Variants in DPY19L2 observed in about 807,000 individuals in gnomAD.
The protein encoded by DPY19L2 is probable C-mannosyltransferase DPY19L2.
DPY19L2 carries 34 observed loss-of-function variants against 97.9 expected under a neutral mutation model. The ratio of observed to expected loss-of-function variants is 0.35; its 90% CI spans 0.26 to 0.46. DPY19L2 has a LOEUF of 0.46. Ranked by LOEUF, DPY19L2 falls within the 20% of genes least tolerant of loss-of-function variation. DPY19L2 has a pLI of 1.00. For synonymous variants in DPY19L2, 230 were observed against 307.9 expected, an observed-to-expected ratio of 0.75 and a Z score of 2.65; for missense variants, 623 against 911.4, an observed-to-expected ratio of 0.68 and a Z score of 4.07.
chr12:63,637,569 G>C (rs997554449), intron 6 of DPY19L2, among the ~76,000 whole-genome samples: 1 of 152,068 alleles, frequency 6.6e-6, no homozygotes, highest in African/African-American at 2.4e-5. Context: ...TACCATCAGA[G>C]AATTCTATAA....
chr12:63,565,102 C>T (rs1001658801), intron 21 of DPY19L2, among the ~76,000 whole-genome samples: 2 of 152,124 alleles, frequency 1.3e-5, no homozygotes, highest in African/African-American at 4.8e-5. Context: ...TTAACCTCTT[C>T]GTTTCTTTAT....
chr12:63,656,429 C>T (rs1894981768), intron 4 of DPY19L2, among the ~76,000 whole-genome samples: 1 of 152,114 alleles, frequency 6.6e-6, no homozygotes, highest in African/African-American at 2.4e-5. Flanking sequence ...GTATTTTAGG[C>T]TTTGTGAGAT....
At chr12:63,608,844 A>G (rs1886486738) in intron 11 of DPY19L2, among the ~76,000 whole-genome samples, 169 bp from the exon 12 acceptor site, 1 of 152,082 alleles carries the variant, frequency 6.6e-6, no homozygotes, top group Non-Finnish European at 1.5e-5. Flanking sequence ...ATTTTGGCAA[A>G]TTTCCTTGAG....
chr12:63,663,983 T>C, intron 2 of DPY19L2, 138 bp from the exon 3 acceptor site: 1 of 627,448 alleles, frequency 1.6e-6, no homozygotes, highest in South Asian at 2.2e-5. Context: ...ACTTGTATGT[T>C]TTTCAGCATT....
intron 2 of DPY19L2, among the ~76,000 whole-genome samples, 192 bp from the exon 3 acceptor site, chr12:63,664,037 G>GT (rs1896023960): frequency 6.6e-6 from 1 of 152,044 alleles, no homozygotes; most frequent in Non-Finnish European, 1.5e-5. Context: ...TAACTCAGTG[G>GT]TTTTTAAGCT....
At chr12:63,651,673 C>A (rs1465081309) in intron 4 of DPY19L2, 5 of 451,840 alleles carry the variant, frequency 1.1e-5, no homozygotes, top group Non-Finnish European at 2.3e-5. Context: ...TGCATTGAGT[C>A]CCTGATAGCT....
intron 6 of DPY19L2, among the ~76,000 whole-genome samples, chr12:63,630,361 G>A (rs527895454): frequency 3.3e-5 from 5 of 152,126 alleles, no homozygotes; most frequent in South Asian, 2.1e-4. Flanking sequence ...AAAATAAAGG[G>A]ACAGAGGAAG....
chr12:63,650,971 G>C (rs527253316), intron 4 of DPY19L2, among the ~76,000 whole-genome samples: 1 of 152,146 alleles, frequency 6.6e-6, no homozygotes, highest in Admixed American at 6.5e-5. Flanking sequence ...AAAGGACAAA[G>C]CCAGAGACAT....
intron 19 of DPY19L2, among the ~76,000 whole-genome samples, chr12:63,576,526 A>C (rs1879857302): frequency 1.3e-5 from 2 of 151,752 alleles, no homozygotes; most frequent in South Asian, 4.1e-4. Flanking sequence ...AGATGATATG[A>C]TCTTATATTT....
chr12:63,656,877 CT>C (rs1895041227), intron 4 of DPY19L2, among the ~76,000 whole-genome samples: 1 of 143,920 alleles, frequency 6.9e-6, no homozygotes, highest in Non-Finnish European at 1.5e-5. Flanking sequence ...CCCTTTGATT[CT>C]TATAGTGTCC....
At chr12:63,629,491 T>C (rs553516510) in intron 6 of DPY19L2, among the ~76,000 whole-genome samples, 2 of 151,988 alleles carry the variant, frequency 1.3e-5, no homozygotes, top group South Asian at 2.1e-4. Flanking sequence ...ATGAATGAAA[T>C]GAAGCGAGAG....
chr12:63,652,347 T>C (rs1263527369), intron 4 of DPY19L2, among the ~76,000 whole-genome samples: 1 of 152,154 alleles, frequency 6.6e-6, no homozygotes, highest in African/African-American at 2.4e-5. Flanking sequence ...GTTCAAACAC[T>C]GTGGAAAGCA....
intron 11 of DPY19L2, among the ~76,000 whole-genome samples, chr12:63,613,174 A>C (rs1438730709): frequency 6.6e-6 from 1 of 152,148 alleles, no homozygotes; most frequent in Non-Finnish European, 1.5e-5. Flanking sequence ...TTGCCATGAT[A>C]CCAAAAAAGA....
At chr12:63,657,132 AT>A (rs1248105668) in intron 4 of DPY19L2, among the ~76,000 whole-genome samples, 1 of 152,108 alleles carries the variant, frequency 6.6e-6, no homozygotes, top group Non-Finnish European at 1.5e-5. Flanking sequence ...AGAGGTCAGT[AT>A]TTTTATGCTT....
intron 4 of DPY19L2, among the ~76,000 whole-genome samples, chr12:63,657,559 G>GAT (rs779062572): frequency 6.7e-6 from 1 of 149,776 alleles, no homozygotes; most frequent in Non-Finnish European, 1.5e-5. Context: ...TAACATTTAG[G>GAT]TTTTTTTTTT....
At chr12:63,655,885 A>G (rs796138714) in intron 4 of DPY19L2, among the ~76,000 whole-genome samples, 1 of 152,120 alleles carries the variant, frequency 6.6e-6, no homozygotes, top group African/African-American at 2.4e-5. Context: ...GCAATTGCAA[A>G]TACCCTTGCT....
At chr12:63,625,882 A>T (rs550027460) in intron 7 of DPY19L2, among the ~76,000 whole-genome samples, 9 of 150,926 alleles carry the variant, frequency 6.0e-5, no homozygotes, top group Admixed American at 2.0e-4. Flanking sequence ...ATCTGTTAAG[A>T]GGGCAGATCA....
At chr12:63,633,766 T>A (rs1456355469) in intron 6 of DPY19L2, among the ~76,000 whole-genome samples, 1 of 152,118 alleles carries the variant, frequency 6.6e-6, no homozygotes, top group Non-Finnish European at 1.5e-5. Context: ...CATGCACACG[T>A]ATGTTTATTG....
intron 5 of DPY19L2, among the ~76,000 whole-genome samples, chr12:63,646,688 C>T (rs1055823606): frequency 6.6e-6 from 1 of 152,092 alleles, no homozygotes; most frequent in Non-Finnish European, 1.5e-5. Context: ...ATGGAAGTGA[C>T]CACTATGTAT....
Sources: gnomAD v4.1 joint callset for allele counts (sites outside exome capture counted in the v4.1 genomes callset) on GRCh38, gnomAD v4.1.1 for gene constraint, MANE v1.5 for transcripts, NCBI Gene and HGNC (gene_info 2026-07-23, HGNC 2026-07-21) for gene names.